STAM: variants seen among roughly 807,000 people sequenced by gnomAD.
STAM encodes signal transducing adapter molecule 1.
Under a neutral mutation model 63.4 loss-of-function variants are expected in STAM, and 16 were observed. That is an observed-to-expected ratio of 0.25 (90% CI 0.17 to 0.38). The LOEUF (loss-of-function observed/expected upper bound fraction) is 0.38, where lower values mean the gene tolerates loss of function less well. STAM is among the 10% of genes least tolerant of loss of function. The pLI, the probability that STAM is intolerant of heterozygous loss-of-function variation, is 1.00. For synonymous variants in STAM, 238 were observed against 223.9 expected, an observed-to-expected ratio of 1.06 and a Z score of -0.56; for missense variants, 636 against 657.1, an observed-to-expected ratio of 0.97 and a Z score of 0.35.
chr10:17,704,304 A>G, intron 9 of STAM, 127 bp from the exon 10 acceptor site: 1 of 711,822 alleles, frequency 1.4e-6, no homozygotes, highest in South Asian at 1.8e-5. Context: ...GACACTGACA[A>G]CATAAAAGCA....
chr10:17,712,641 C>A (rs1836607795), intron 13 of STAM, among the ~76,000 whole-genome samples: 2 of 152,130 alleles, frequency 1.3e-5, no homozygotes, highest in African/African-American at 4.8e-5. Flanking sequence ...GCTTGTTTTA[C>A]ATTTTTAATA....
At chr10:17,665,878 C>G (rs782453901) in intron 2 of STAM, among the ~76,000 whole-genome samples, 3 of 152,040 alleles carry the variant, frequency 2.0e-5, no homozygotes, top group African/African-American at 7.2e-5. Flanking sequence ...ATTTCTACTG[C>G]GCAATTTCCA....
rs191682940 is a variant in STAM at position 17,678,477 on chromosome 10, C to T, written c.126-6198C>T. Reference sequence around the variant, plus strand: ...CCATGTTGGCCAGGCTGGTCTCGAACTCCTGATCTCAGGTGATCCGCCTGC... The same window carrying T: ...CCATGTTGGCCAGGCTGGTCTCGAATTCCTGATCTCAGGTGATCCGCCTGC... On this transcript the variant is annotated intron_variant, in intron 2 of 13. Transcript: ENST00000377524. Among the ~76,000 whole-genome samples, 4 of 152,278 alleles carry T rather than the reference C, an allele frequency of 2.6e-5. No individual in the cohort carries two copies. In the South Asian group the frequency reaches 6.2e-4, roughly 24 times the overall value.
At chr10:17,647,681 A>G (rs1282672808) in intron 1 of STAM, among the ~76,000 whole-genome samples, 2 of 152,186 alleles carry the variant, frequency 1.3e-5, no homozygotes, top group Non-Finnish European at 2.9e-5. Flanking sequence ...GGAATATAAG[A>G]GTAATAATAG....
intron 13 of STAM, among the ~76,000 whole-genome samples, chr10:17,710,922 T>G (rs1204108556): frequency 6.6e-6 from 1 of 152,194 alleles, no homozygotes; most frequent in Non-Finnish European, 1.5e-5. Flanking sequence ...TAATATCTGT[T>G]TATCAATATA....
rs1833419276 is a variant in STAM at position 17,644,158 on chromosome 10, G to A, written c.-182G>A. 2 of 650,928 alleles carry A rather than the reference G, an allele frequency of 3.1e-6. No homozygotes were observed. The highest frequency in any genetic ancestry group is 1.7e-5 in the South Asian group (1 of 58,488). 40.3% of individuals were successfully genotyped at this position (650,928 alleles called of 1,614,324 possible). ...GCGGGGGCTTCCTCGGCTCCTTGCT[G>A]TTGCCGCCGCCGCAGCTGCTGCCGC... On this transcript the variant is annotated 5_prime_UTR_variant, in exon 1 of 14. Transcript: ENST00000377524.
intron 13 of STAM, among the ~76,000 whole-genome samples, chr10:17,712,150 C>A (rs34365643): frequency 0.042 from 6,426 of 152,238 alleles, 193 homozygotes; most frequent in East Asian, 0.19. Flanking sequence ...TTAGTATGTT[C>A]CAAGCACTGT....
Position 17,688,146 on chromosome 10 carries a change from A to G in STAM, c.417A>G (p.Gly139=), listed in dbSNP as rs1554826311. The G allele has an allele frequency of 6.3e-7, 1 of 1,579,732 alleles. No homozygotes were observed. The highest frequency in any genetic ancestry group is 1.2e-5 in the South Asian group (1 of 83,708). ...TGATTAAGAACCTTAAGGAACAAGGAGTTACGTTCCCAGCTATTGGCTCTC... is the reference window on the plus strand; with the variant it reads ...TGATTAAGAACCTTAAGGAACAAGGGGTTACGTTCCCAGCTATTGGCTCTC... ...SAMIKNLKEQ[G]VTFPAIGSQA... is the part of the protein sequence containing the mutation. The change falls in exon 5 of 14, where the codon GGA becomes GGG. Residue 139 remains glycine, a synonymous_variant. Transcript: ENST00000377524.
intron 1 of STAM, among the ~76,000 whole-genome samples, chr10:17,650,165 C>G (rs1833681027): frequency 6.6e-6 from 1 of 152,124 alleles, no homozygotes; most frequent in Non-Finnish European, 1.5e-5. Flanking sequence ...GTCACATTCT[C>G]CTGAAGTGTG....
At chr10:17,645,360 G>C (rs1833479977) in intron 1 of STAM, among the ~76,000 whole-genome samples, 1 of 152,124 alleles carries the variant, frequency 6.6e-6, no homozygotes, top group Admixed American at 6.5e-5. Flanking sequence ...ATTATGAAAG[G>C]TGGATGTTGA....
chr10:17,708,670 G>T, intron 12 of STAM, 106 bp from the exon 13 acceptor site: 2 of 1,157,826 alleles, frequency 1.7e-6, no homozygotes, highest in Non-Finnish European at 1.2e-6. Flanking sequence ...AAGGATTCCA[G>T]AGTGGTGATT....
intron 2 of STAM, among the ~76,000 whole-genome samples, chr10:17,665,749 C>T (rs1554823314): frequency 1.3e-5 from 2 of 151,622 alleles, no homozygotes; most frequent in Non-Finnish European, 2.9e-5. Context: ...GATGTAATCC[C>T]TGTTTACTTC....
intron 2 of STAM, among the ~76,000 whole-genome samples, chr10:17,663,334 A>T (rs567712141): frequency 6.6e-6 from 1 of 152,098 alleles, no homozygotes; most frequent in Non-Finnish European, 1.5e-5. Flanking sequence ...GTTTAGACAC[A>T]TGCTCATTTT....
At chr10:17,701,661 A>G (rs568434214) in intron 9 of STAM, among the ~76,000 whole-genome samples, 86 of 152,306 alleles carry the variant, frequency 5.6e-4, no homozygotes, top group African/African-American at 2.0e-3. Context: ...CTCAGTTACC[A>G]TAGCATTCTT....
chr10:17,659,196 A>G (rs1834062500), intron 1 of STAM, among the ~76,000 whole-genome samples: 1 of 151,882 alleles, frequency 6.6e-6, no homozygotes, highest in African/African-American at 2.4e-5. Flanking sequence ...ACACTGTACC[A>G]CTTCATGTGT....
At chr10:17,709,004 G>A in intron 13 of STAM, 53 bp downstream of exon 13, 1 of 1,561,724 alleles carries the variant, frequency 6.4e-7, no homozygotes, top group Non-Finnish European at 8.7e-7. Flanking sequence ...AGCTGTTTAA[G>A]TGCCCCCAGT....
At chr10:17,682,613 T>C (rs1282306850) in intron 2 of STAM, among the ~76,000 whole-genome samples, 8 of 152,352 alleles carry the variant, frequency 5.3e-5, no homozygotes, top group African/African-American at 1.7e-4. Context: ...AAGAATGTAC[T>C]TTGTATGACT....
intron 2 of STAM, among the ~76,000 whole-genome samples, chr10:17,683,014 T>A (rs560552412): frequency 1.3e-5 from 2 of 152,372 alleles, no homozygotes; most frequent in South Asian, 4.1e-4. Context: ...TTCCTTGTTA[T>A]GAAAACTGCT....
At chr10:17,704,240 G>A (rs1222390981) in intron 9 of STAM, among the ~76,000 whole-genome samples, 191 bp from the exon 10 acceptor site, 15 of 152,090 alleles carry the variant, frequency 9.9e-5, no homozygotes, top group African/African-American at 1.9e-4. Context: ...AAATATATAG[G>A]AAGTACTTTC....
Sources: gnomAD v4.1 joint callset for allele counts (sites outside exome capture counted in the v4.1 genomes callset) on GRCh38, gnomAD v4.1.1 for gene constraint, MANE v1.5 for transcripts, NCBI Gene and HGNC (gene_info 2026-07-23, HGNC 2026-07-21) for gene names.